The following ZNF254 variants were observed in gnomAD, a reference collection of about 807,000 sequenced individuals.
The protein encoded by ZNF254 is CTD-2017D11.1.
ZNF254 carries 10 observed loss-of-function variants against 12.4 expected under a neutral mutation model. The ratio of observed to expected loss-of-function variants is 0.80; its 90% confidence interval spans 0.50 to 1.36. The LOEUF (loss-of-function observed/expected upper bound fraction) is 1.36, where lower values mean the gene tolerates loss of function less well. Among genes scored for constraint, ZNF254 ranks in the 40% most tolerant of loss-of-function variants. The pLI is 0.00. For missense variants in ZNF254, 996 were observed against 763.9 expected, an observed-to-expected ratio of 1.30 and a Z score of -3.58; for synonymous variants, 305 against 253.4, an observed-to-expected ratio of 1.20 and a Z score of -1.93.
At chr19:24,106,333 G>T (rs752182693) in intron 2 of ZNF254, 3 of 529,878 alleles carry the variant, frequency 5.7e-6, no homozygotes, top group Non-Finnish European at 8.7e-6. Context: ...AATCCATTTG[G>T]CATCACCAAT....
intron 3 of ZNF254, among the ~76,000 whole-genome samples, chr19:24,125,175 TC>T (rs1375069882): frequency 6.6e-6 from 1 of 152,010 alleles, no homozygotes; most frequent in Non-Finnish European, 1.5e-5. Context: ...GTTATAAATA[TC>T]TTTTTGTTAT....
Position 24,127,108 on chromosome 19 carries a change from A to T in ZNF254, c.1108A>T (p.Ile370Leu). The T allele has an allele frequency of 2.5e-6, 4 of 1,613,658 alleles. No individual in the cohort carries two copies. The highest frequency in any genetic ancestry group is 1.3e-5 in the African/African-American group (1 of 74,976). ...GTCCTCAACCCTTACTACACATAAGATAATTCATACTGGAGAGAAACGCTA... is the reference window on the plus strand; with the variant it reads ...GTCCTCAACCCTTACTACACATAAGTTAATTCATACTGGAGAGAAACGCTA... The part of the protein sequence containing the change: ...SQSSTLTTHK[I>L]IHTGEKRYKC... Residue 370 changes from isoleucine to leucine, a missense_variant, in exon 4 of 4, where the codon ATA becomes TTA. Coordinates refer to ENST00000357002, the MANE Select transcript of ZNF254 (RefSeq NM_203282.4).
chr19:24,068,968 G>C (rs1448742401), intron 2 of ZNF254, among the ~76,000 whole-genome samples: 1 of 152,118 alleles, frequency 6.6e-6, no homozygotes, highest in East Asian at 1.9e-4. Flanking sequence ...GGCACAGAGA[G>C]TGTCATCAAG....
intron 2 of ZNF254, chr19:24,080,574 G>T (rs1439096262): frequency 6.6e-6 from 1 of 152,216 alleles, no homozygotes. Flanking sequence ...GCTCACACCT[G>T]TAATCCTAGC....
intron 3 of ZNF254, among the ~76,000 whole-genome samples, chr19:24,114,209 C>T (rs1002961734): frequency 4.6e-5 from 7 of 152,218 alleles, no homozygotes; most frequent in East Asian, 1.9e-4. Flanking sequence ...AAAAAGAGCC[C>T]GCATCGCCAA....
chr19:24,045,603 G>C (rs996983650), intron 1 of ZNF254, among the ~76,000 whole-genome samples: 2 of 150,874 alleles, frequency 1.3e-5, no homozygotes, highest in African/African-American at 2.5e-5. Flanking sequence ...GGGACGCGGA[G>C]GTTGCAGTGA....
intron 2 of ZNF254, among the ~76,000 whole-genome samples, chr19:24,047,039 A>AT (rs375138904): frequency 3.3e-4 from 49 of 149,670 alleles, no homozygotes; most frequent in Admixed American, 1.9e-3. Flanking sequence ...AATTCTTTGT[A>AT]TTTTTTTTTA....
chr19:24,127,272 T>C lies in ZNF254; in HGVS notation c.1272T>C (p.His424=), dbSNP rs61737179. The C allele has an allele frequency of 3.3e-3, 5,312 of 1,613,372 alleles. 153 individuals carry two copies. The African/African-American group carries it at 0.06, about 18-fold the overall frequency. ...ATCGATCTTCAAATCTTACTACACA[T>C]AAGATAATTCATACTGGAGAGAAAC... ...GFNRSSNLTT[H]KIIHTGEKPY... is the part of the protein sequence containing the mutation. Residue 424 remains histidine (H), a synonymous_variant, in exon 4 of 4, where the codon CAT becomes CAC. Coordinates refer to ENST00000357002, the MANE Select transcript of ZNF254 (RefSeq NM_203282.4).
chr19:24,037,074 C>T (rs1342633604), intron 1 of ZNF254, among the ~76,000 whole-genome samples: 1 of 152,230 alleles, frequency 6.6e-6, no homozygotes, highest in Admixed American at 6.5e-5. Context: ...ATAATCTCAT[C>T]CACCTGCATG....
rs1183928586 is a variant in ZNF254 at position 24,119,278 on chromosome 19, G to A, written c.254-6976G>A. Among the ~76,000 whole-genome samples the A allele has an allele frequency of 3.3e-5, 5 of 151,846 alleles. No individual in the cohort carries two copies. In the East Asian group the frequency reaches 9.7e-4, roughly 29 times the overall value. On this transcript the variant is annotated intron_variant, in intron 3 of 3. Transcript: ENST00000357002. ...ACAATCTCGGCTCACTGCAACCTCT[G>A]CCTCCTAGGTTCAAGCGATTCTCCT...
intron 1 of ZNF254, among the ~76,000 whole-genome samples, chr19:24,037,109 A>G (rs4932937): frequency 0.48 from 72,222 of 151,988 alleles, 18,003 homozygotes; most frequent in African/African-American, 0.64. Flanking sequence ...TCAGAACATA[A>G]CCCTGCCTGA....
chr19:24,094,376 T>G (rs1332610292), intron 1 of ZNF254, among the ~76,000 whole-genome samples: 1 of 152,154 alleles, frequency 6.6e-6, no homozygotes, highest in Non-Finnish European at 1.5e-5. Context: ...TTCTCTTGCC[T>G]CAGCCTCCTG....
intron 1 of ZNF254, among the ~76,000 whole-genome samples, chr19:24,090,593 C>T (rs1338946406): frequency 6.6e-6 from 1 of 152,076 alleles, no homozygotes; most frequent in Non-Finnish European, 1.5e-5. Context: ...TGCACCACCA[C>T]ACTCAGCTAG....
At chr19:24,051,924 T>C (rs1484954352) in intron 2 of ZNF254, among the ~76,000 whole-genome samples, 1 of 152,206 alleles carries the variant, frequency 6.6e-6, no homozygotes, top group African/African-American at 2.4e-5. Context: ...TCCTGAGCTG[T>C]ACTCACAGAG....
In ZNF254 at chr19:24,116,578, A is replaced by G. The variant is rs538395931; in HGVS notation, c.254-9676A>G. 6.2e-4 allele frequency among the ~76,000 whole-genome samples: 94 copies of G among 151,960 alleles called. 1 individual carries two copies. Among genetic ancestry groups the G allele is most frequent in the Non-Finnish European group, 1.2e-3 (81 of 67,988 alleles). ...CTTTAAGCACTTCTCTATATTGGTT[A>G]TTCTAGGTATACATTTGTCTAAATT... is the stretch of plus-strand genomic sequence containing the variant. On this transcript the variant is annotated intron_variant, in intron 3 of 3. Transcript: ENST00000357002.
Position 24,043,409 on chromosome 19 carries a change from A to C in ZNF254, c.-189-2775A>C, listed in dbSNP as rs1274405714. ...CCCGAGTAGCTGGTACGACAGGTGC[A>C]TGCCACCATGCCTGGCTAATTTTTG... On this transcript the variant is annotated intron_variant, in intron 1 of 4. Coordinates refer to the ZNF254 transcript ENST00000613065. 2.6e-5 allele frequency among the ~76,000 whole-genome samples: 4 copies of C among 152,036 alleles called. No individual in the cohort carries two copies. In the East Asian group the frequency reaches 7.7e-4, roughly 29 times the overall value.
chr19:24,096,270 GC>G (rs1396782625), intron 1 of ZNF254, among the ~76,000 whole-genome samples: 1 of 151,736 alleles, frequency 6.6e-6, no homozygotes. Context: ...TGTTGGCCAG[GC>G]TGGTCTCAAA....
At position 24,127,216 on chromosome 19, in the gene ZNF254, T is replaced by C. The variant is rs777778798; in HGVS notation, c.1216T>C (p.Tyr406His). 13 of 1,613,078 alleles carry C rather than the reference T, an allele frequency of 8.1e-6. No individual in the cohort carries two copies. In the African/African-American group the frequency reaches 1.6e-4, roughly 20 times the overall value. The change falls in exon 4 of 4, where the codon TAC becomes CAC. Residue 406 changes from tyrosine (Y) to histidine (H), a missense_variant. Tyr to His is a moderately conservative substitution (Grantham distance 83). Coordinates refer to ENST00000357002, the MANE Select transcript of ZNF254 (RefSeq NM_203282.4). ...HKIIHVGEKL[Y>H]KCEECGKGFN... ...AATAATTCATGTTGGAGAGAAACTC[T>C]ACAAATGTGAAGAATGCGGCAAAGG...
At chr19:24,091,529 G>A (rs1168141922) in intron 1 of ZNF254, among the ~76,000 whole-genome samples, 1 of 151,958 alleles carries the variant, frequency 6.6e-6, no homozygotes, top group African/African-American at 2.4e-5. Context: ...GTTGCACTGC[G>A]ACACCCAGGC....
Sources: gnomAD v4.1 joint callset for allele counts (sites outside exome capture counted in the v4.1 genomes callset) on GRCh38, gnomAD v4.1.1 for gene constraint, MANE v1.5 for transcripts, NCBI Gene and HGNC (gene_info 2026-07-23, HGNC 2026-07-21) for gene names.